RPRD1A: variants seen among roughly 807,000 people sequenced by gnomAD.
RPRD1A encodes the protein regulation of nuclear pre-mRNA domain-containing protein 1A.
In RPRD1A, 9 loss-of-function variants were observed where a neutral mutation model predicts 37.8. The ratio of observed to expected loss-of-function variants is 0.24; its 90% CI spans 0.14 to 0.42. The LOEUF (loss-of-function observed/expected upper bound fraction) is 0.42. Ranked by LOEUF, RPRD1A falls within the 10% of genes least tolerant of loss-of-function variation. The pLI is 1.00. For missense variants in RPRD1A, 255 were observed against 371.0 expected (o/e 0.69, Z 2.57); for synonymous variants, 138 against 139.7 (o/e 0.99, Z 0.08).
At chr18:36,057,552 C>A (rs150508387) in intron 1 of RPRD1A, among the ~76,000 whole-genome samples, 1 of 152,156 alleles carries the variant, frequency 6.6e-6, no homozygotes, top group Non-Finnish European at 1.5e-5. Flanking sequence ...GCAGAGGTTG[C>A]TGTGAGTTGA....
chr18:36,016,996 G>A (rs148370665), intron 6 of RPRD1A, among the ~76,000 whole-genome samples: 2 of 150,666 alleles, frequency 1.3e-5, no homozygotes, highest in East Asian at 2.0e-4. Flanking sequence ...TGATAAGCAT[G>A]TACTACTTTT....
intron 6 of RPRD1A, among the ~76,000 whole-genome samples, chr18:36,023,163 G>A (rs1180812900): frequency 6.6e-6 from 1 of 152,178 alleles, no homozygotes; most frequent in African/African-American, 2.4e-5. Context: ...TCATTCCTGT[G>A]ATGAATATCG....
intron 6 of RPRD1A, among the ~76,000 whole-genome samples, chr18:36,008,960 C>T (rs1354569493): frequency 6.6e-6 from 1 of 152,118 alleles, no homozygotes; most frequent in Non-Finnish European, 1.5e-5. Flanking sequence ...GCTGTAAGGA[C>T]ACCCTGTTTT....
In RPRD1A at chr18:35,990,226, T is replaced by G. The variant is rs1908643334; in HGVS notation, c.*2925A>C. 1 of 152,184 alleles carries G rather than the reference T, an allele frequency of 6.6e-6. No homozygotes were observed. Among genetic ancestry groups the G allele is most frequent in the African/African-American group, 2.4e-5 (1 of 41,450 alleles). 9.4% of individuals were successfully genotyped at this position (152,184 alleles called of 1,614,324 possible). A position where few individuals can be genotyped will look rare whatever the true frequency, so the allele number is the denominator to read the frequency against. ...ATTCTAACTTTCCCAATTAGTTAATTTGTACTGTTGAGTTTTTTCTCTCTA... is the reference window on the plus strand; with the variant it reads ...ATTCTAACTTTCCCAATTAGTTAATGTGTACTGTTGAGTTTTTTCTCTCTA... On this transcript the variant is annotated 3_prime_UTR_variant, in exon 7 of 7. Coordinates refer to ENST00000399022, the MANE Select transcript of RPRD1A (RefSeq NM_018170.5).
At chr18:36,035,598 AAGAT>A (rs1366191022) in intron 1 of RPRD1A, among the ~76,000 whole-genome samples, 1 of 152,230 alleles carries the variant, frequency 6.6e-6, no homozygotes, top group African/African-American at 2.4e-5. Context: ...AAAGAAGAAA[AAGAT>A]AAAACAATGC....
rs1908761283 is a variant in RPRD1A, at chr18:35,992,344, T to C, written c.*807A>G. 1 of 152,216 alleles carries C rather than the reference T, an allele frequency of 6.6e-6. No individual in the cohort carries two copies. Among genetic ancestry groups the C allele is most frequent in the African/African-American group, 2.4e-5 (1 of 41,444 alleles). 9.4% of individuals were successfully genotyped at this position (152,216 alleles called of 1,614,324 possible). A position where few individuals can be genotyped will look rare whatever the true frequency, so the allele number is the denominator to read the frequency against. On this transcript the variant is annotated 3_prime_UTR_variant, in exon 7 of 7. Coordinates refer to ENST00000399022, the MANE Select transcript of RPRD1A (RefSeq NM_018170.5). ...TTTTTGTTAAAGGGATTAATTATGT[T>C]AAAAGGAAACTGATTTGACAAATAG...
intron 6 of RPRD1A, among the ~76,000 whole-genome samples, chr18:35,996,455 T>C (rs1909062127): frequency 6.6e-6 from 1 of 152,150 alleles, no homozygotes; most frequent in African/African-American, 2.4e-5. Context: ...GTAATATAAA[T>C]CTTTCAACTT....
intron 1 of RPRD1A, among the ~76,000 whole-genome samples, chr18:36,050,950 TAC>T (rs1913347904): frequency 1.3e-5 from 2 of 151,684 alleles, no homozygotes; most frequent in East Asian, 3.9e-4. Flanking sequence ...GCATTAAAAA[TAC>T]AGTTGACTTT....
In RPRD1A at chr18:36,027,553, G is replaced by A. The variant is rs922699882; in HGVS notation, c.487-243C>T. 3 of 374,854 alleles carry A rather than the reference G, an allele frequency of 8.0e-6. No homozygotes were observed. The East Asian group carries it at 1.2e-4, about 16-fold the overall frequency. The allele number at this position is 374,854 out of a possible 1,614,324, so 23.2% of individuals were successfully genotyped here. The stretch of plus-strand genomic sequence containing the variant: ...TTGAAGAGAGCTTACTCCAGTGGTG[G>A]AGACAGAGTAATAATAATTATTTGA... On this transcript the variant is annotated intron_variant, in intron 4 of 6. Coordinates refer to ENST00000399022, the MANE Select transcript of RPRD1A (RefSeq NM_018170.5).
intron 1 of RPRD1A, among the ~76,000 whole-genome samples, chr18:36,056,891 T>A (rs1270931322): frequency 7.2e-5 from 11 of 151,840 alleles, no homozygotes; most frequent in Admixed American, 7.2e-4. Flanking sequence ...TTTTTCTGTA[T>A]AATCCTCTTA....
rs1052183892 is a variant in RPRD1A at position 36,048,656 on chromosome 18, G to GA, written c.152-14820dup. ...ATAAAAAGCACCTAAAAAAAAAAAA[G>GA]AAAAAAAAAACCTACAGCTAACATT... On this transcript the variant is annotated intron_variant, in intron 1 of 6. Transcript: ENST00000399022. 2.0e-3 allele frequency among the ~76,000 whole-genome samples: 271 copies of GA among 138,628 alleles called. 1 individual carries two copies. The highest frequency in any genetic ancestry group is 7.3e-3 in the Middle Eastern group (2 of 274). The allele number at this position is 138,628 out of a possible 152,430, so 90.9% of individuals were successfully genotyped here. A position where few individuals can be genotyped will look rare whatever the true frequency, so the allele number is the denominator to read the frequency against.
chr18:36,029,513 G>A (rs1016195801), intron 4 of RPRD1A, among the ~76,000 whole-genome samples: 7 of 151,226 alleles, frequency 4.6e-5, no homozygotes, highest in African/African-American at 1.7e-4. Flanking sequence ...AAATACATTC[G>A]CCTTGTTTTA....
At chr18:36,004,166 C>A (rs967141227) in intron 6 of RPRD1A, among the ~76,000 whole-genome samples, 2 of 151,490 alleles carry the variant, frequency 1.3e-5, no homozygotes, top group African/African-American at 4.9e-5. Context: ...ACTTCAAAAG[C>A]TAGGAGGGGT....
At chr18:36,018,742 T>C (rs958960306) in intron 6 of RPRD1A, among the ~76,000 whole-genome samples, 1 of 152,024 alleles carries the variant, frequency 6.6e-6, no homozygotes, top group Non-Finnish European at 1.5e-5. Context: ...GAAAACTAAG[T>C]ATATAAAGTA....
At chr18:36,051,690 T>C (rs1289957449) in intron 1 of RPRD1A, among the ~76,000 whole-genome samples, 5 of 152,024 alleles carry the variant, frequency 3.3e-5, no homozygotes, top group African/African-American at 4.8e-5. Context: ...CAACACATTA[T>C]TATAGATAAA....
At chr18:36,048,576 A>C (rs772939011) in intron 1 of RPRD1A, among the ~76,000 whole-genome samples, 1 of 152,052 alleles carries the variant, frequency 6.6e-6, no homozygotes, top group African/African-American at 2.4e-5. Context: ...AAAATTCAAC[A>C]ATCATTCATG....
chr18:36,037,080 A>G (rs1912241316), intron 1 of RPRD1A, among the ~76,000 whole-genome samples: 1 of 152,220 alleles, frequency 6.6e-6, no homozygotes, highest in African/African-American at 2.4e-5. Context: ...GTTCCATACA[A>G]ATTGGCAGAT....
At position 36,052,612 on chromosome 18, in the gene RPRD1A, C is replaced by CG. The variant is rs950944884; in HGVS notation, c.151+14641dup. 6.7e-4 allele frequency among the ~76,000 whole-genome samples: 101 copies of CG among 151,508 alleles called. 1 individual carries two copies. Among genetic ancestry groups the CG allele is most frequent in the African/African-American group, 2.0e-3 (83 of 41,342 alleles). ...GGTATCAATTCATTTTTGTTGGGGG[C>CG]GGGGGGGATGGAATCTTGCCCTGTC... On this transcript the variant is annotated intron_variant, in intron 1 of 6. Coordinates refer to ENST00000399022, the MANE Select transcript of RPRD1A (RefSeq NM_018170.5).
At chr18:36,054,038 A>T (rs912686173) in intron 1 of RPRD1A, among the ~76,000 whole-genome samples, 1 of 151,048 alleles carries the variant, frequency 6.6e-6, no homozygotes. Context: ...TATGTGCACA[A>T]TGAGTTTGGG....
Sources: gnomAD v4.1 joint callset for allele counts (sites outside exome capture counted in the v4.1 genomes callset) on GRCh38, gnomAD v4.1.1 for gene constraint, MANE v1.5 for transcripts, NCBI Gene and HGNC (gene_info 2026-07-23, HGNC 2026-07-21) for gene names.